DDX6: variants seen among roughly 807,000 people sequenced by gnomAD.
The protein encoded by DDX6 is DEAD-box helicase 6.
In DDX6, 7 loss-of-function variants were observed where a neutral mutation model predicts 60.6. That is an observed-to-expected ratio of 0.12 (90% CI 0.07 to 0.22). The LOEUF (loss-of-function observed/expected upper bound fraction) is 0.22. Ranked by LOEUF, DDX6 falls within the 10% of genes least tolerant of loss-of-function variation. The pLI is 1.00. For missense variants in DDX6, 270 were observed against 589.9 expected (o/e 0.46, Z 5.62); for synonymous variants, 207 against 201.0 (o/e 1.03, Z -0.25).
At chr11:118,781,207 GA>G (rs1861888440) in intron 2 of DDX6, 23 bp from the exon 3 acceptor site, 2 of 1,502,722 alleles carry the variant, frequency 1.3e-6, no homozygotes, top group Admixed American at 1.8e-5. Context: ...CAGTAAACTT[GA>G]AGTATCAAAA....
chr11:118,750,450 CT>C lies in DDX6; in HGVS notation c.*1654del, dbSNP rs1453118258. 2 of 152,142 alleles carry C rather than the reference CT, an allele frequency of 1.3e-5. No individual in the cohort carries two copies. The highest frequency in any genetic ancestry group is 3.8e-4 in the East Asian group (2 of 5,198). The allele number at this position is 152,142 out of a possible 1,614,324, so 9.4% of individuals were successfully genotyped here. A position where few individuals can be genotyped will look rare whatever the true frequency, so the allele number is the denominator to read the frequency against. ...CACAATGCAAGAGAATGGCAAGCAG[CT>C]TTCTGTAGCATGAAAGTTAACAGCT... is the stretch of plus-strand genomic sequence containing the variant. On this transcript the variant is annotated 3_prime_UTR_variant, in exon 14 of 14. Transcript: ENST00000534980.
At chr11:118,767,230 A>C (rs1456284486) in intron 5 of DDX6, among the ~76,000 whole-genome samples, 1 of 152,152 alleles carries the variant, frequency 6.6e-6, no homozygotes, top group Non-Finnish European at 1.5e-5. Context: ...TTGAGTTCGC[A>C]ACTATTAGCT....
At chr11:118,778,961 G>C (rs1861793667) in intron 4 of DDX6, among the ~76,000 whole-genome samples, 3 of 151,968 alleles carry the variant, frequency 2.0e-5, no homozygotes, top group Admixed American at 1.3e-4. Context: ...GTTTTAATCA[G>C]CCTGGATAAC....
At position 118,786,215 on chromosome 11, in the gene DDX6, C is replaced by A; in HGVS notation, c.37G>T (p.Gly13Cys). The change falls in exon 2 of 14, where the codon GGT (glycine) becomes TGT (cysteine). Residue 13 changes from glycine (G) to cysteine (C), a missense_variant. Coordinates refer to ENST00000534980, the MANE Select transcript of DDX6 (RefSeq NM_004397.6). The stretch of plus-strand genomic sequence containing the variant: ...AGCTGACCATTTTGACTGGACAGAC[C>A]CATTATAACAGGGTTCTCTGTTCTG... ...TARTENPVIM[G>C]LSSQNGQLRG... is the part of the protein sequence containing the mutation. 2 of 1,613,508 alleles carry A rather than the reference C, an allele frequency of 1.2e-6. No individual in the cohort carries two copies. Among genetic ancestry groups the A allele is most frequent in the Non-Finnish European group, 1.7e-6 (2 of 1,179,716 alleles).
At chr11:118,779,156 CAAA>C (rs5795140) in intron 4 of DDX6, among the ~76,000 whole-genome samples, 3 of 125,896 alleles carry the variant, frequency 2.4e-5, no homozygotes, top group Non-Finnish European at 1.6e-5. Context: ...ACCCAGTTGC[CAAA>C]AAAAAAAAAA....
At chr11:118,776,818 TA>T (rs1190649589) in intron 4 of DDX6, among the ~76,000 whole-genome samples, 1 of 137,524 alleles carries the variant, frequency 7.3e-6, no homozygotes, top group Non-Finnish European at 1.6e-5. Context: ...GGCAACAGAG[TA>T]AGGCTCTGTC....
chr11:118,778,606 G>T (rs868922218), intron 4 of DDX6, among the ~76,000 whole-genome samples: 26 of 152,058 alleles, frequency 1.7e-4, no homozygotes, highest in African/African-American at 5.1e-4. Context: ...TAGTATTATT[G>T]TATTTGTATG....
chr11:118,760,702 T>C (rs1468441226), intron 7 of DDX6, among the ~76,000 whole-genome samples: 1 of 151,124 alleles, frequency 6.6e-6, no homozygotes, highest in Non-Finnish European at 1.5e-5. Flanking sequence ...GCACCTATAA[T>C]CCCAGGTACT....
At position 118,756,327 on chromosome 11, in the gene DDX6, G is replaced by A; in HGVS notation, c.1111-4C>T. 2 of 1,612,120 alleles carry A rather than the reference G, an allele frequency of 1.2e-6. No homozygotes were observed. The highest frequency in any genetic ancestry group is 1.7e-6 in the Non-Finnish European group (2 of 1,178,422). On this transcript the variant is annotated splice_region_variant and splice_polypyrimidine_tract_variant and intron_variant, in intron 10 of 13. Coordinates refer to ENST00000534980, the MANE Select transcript of DDX6 (RefSeq NM_004397.6). ...GAAATACACGATTTCGATGTTCCTA[G>A]GAGAAAGCAATGTATTCCATTTGAT...
intron 4 of DDX6, among the ~76,000 whole-genome samples, chr11:118,775,362 C>CA (rs1409916336): frequency 2.0e-5 from 3 of 151,948 alleles, no homozygotes; most frequent in Admixed American, 2.0e-4. Context: ...CCTGTTCCCC[C>CA]AAAAAACCTA....
intron 7 of DDX6, among the ~76,000 whole-genome samples, 172 bp downstream of exon 7, chr11:118,763,040 A>G (rs1295632872): frequency 2.0e-5 from 3 of 152,204 alleles, no homozygotes; most frequent in Non-Finnish European, 4.4e-5. Context: ...GAATGCCTAT[A>G]ATCTACTCCC....
At chr11:118,760,729 G>A (rs149512438) in intron 7 of DDX6, among the ~76,000 whole-genome samples, 320 of 150,782 alleles carry the variant, frequency 2.1e-3, no homozygotes, top group African/African-American at 7.5e-3. Context: ...GCTGGGGCAG[G>A]AGAATCGCTT....
chr11:118,748,852 G>A lies in DDX6; in HGVS notation c.*3253C>T, dbSNP rs1284159058. On this transcript the variant is annotated 3_prime_UTR_variant, in exon 14 of 14. Transcript: ENST00000534980. ...CTGAGTTGTCGTTTGAACCAAGCAT[G>A]ATGTTATCAAGCACAAAGCACGTGG... 6.6e-6 allele frequency: 1 copy of A among 151,876 alleles called. No individual in the cohort carries two copies. The highest frequency in any genetic ancestry group is 1.5e-5 in the Non-Finnish European group (1 of 68,016). The allele number at this position is 151,876 out of a possible 1,614,324, so 9.4% of individuals were successfully genotyped here.
At chr11:118,781,432 CTG>C (rs782093284) in intron 2 of DDX6, among the ~76,000 whole-genome samples, 4 of 151,974 alleles carry the variant, frequency 2.6e-5, no homozygotes, top group Non-Finnish European at 5.9e-5. Context: ...TACAGTGTAA[CTG>C]TTGTCAAAAG....
chr11:118,780,378 C>T (rs1338933144), intron 3 of DDX6, among the ~76,000 whole-genome samples: 2 of 152,014 alleles, frequency 1.3e-5, no homozygotes, highest in African/African-American at 2.4e-5. Context: ...AGTGCAGTGG[C>T]GTGATCTCGG....
At chr11:118,778,421 A>T (rs1316865019) in intron 4 of DDX6, among the ~76,000 whole-genome samples, 2 of 152,196 alleles carry the variant, frequency 1.3e-5, no homozygotes, top group African/African-American at 2.4e-5. Flanking sequence ...CCCATTGATG[A>T]TAATAAAAAA....
chr11:118,752,957 T>C (rs1860828433), intron 13 of DDX6, among the ~76,000 whole-genome samples: 1 of 152,092 alleles, frequency 6.6e-6, no homozygotes, highest in South Asian at 2.1e-4. Flanking sequence ...AGACAGGTTG[T>C]CCAGGAAATC....
chr11:118,785,804 G>A (rs1159078542), intron 2 of DDX6: 6 of 358,574 alleles, frequency 1.7e-5, no homozygotes, highest in Non-Finnish European at 2.5e-5. Context: ...AGCCAGAAAT[G>A]TTTCCAAAAA....
chr11:118,790,371 C>T (rs1267916610), intron 1 of DDX6: 2 of 152,176 alleles, frequency 1.3e-5, no homozygotes, highest in African/African-American at 4.8e-5. Flanking sequence ...GGGACTCCCC[C>T]AAGGAGGCCC....
Sources: gnomAD v4.1 joint callset for allele counts (sites outside exome capture counted in the v4.1 genomes callset) on GRCh38, gnomAD v4.1.1 for gene constraint, MANE v1.5 for transcripts, NCBI Gene and HGNC (gene_info 2026-07-23, HGNC 2026-07-21) for gene names.